The following ADGRL2 variants were observed in gnomAD, a reference collection of about 807,000 sequenced individuals.
ADGRL2 encodes the protein adhesion G protein-coupled receptor L2, also known as calcium-independent alpha-latrotoxin receptor 2.
Under a neutral mutation model 157.4 loss-of-function variants are expected in ADGRL2, and 44 were observed. The ratio of observed to expected loss-of-function variants is 0.28; its 90% CI spans 0.22 to 0.36. ADGRL2 has a LOEUF of 0.36. Among genes scored for constraint, ADGRL2 ranks in the 10% least tolerant of loss-of-function variants. The pLI is 1.00. For synonymous variants in ADGRL2, 585 were observed against 624.7 expected (o/e 0.94, Z 0.95); for missense variants, 1,510 against 1,768.9 (o/e 0.85, Z 2.63).
At chr1:81,806,623 A>T (rs909906804) in intron 1 of ADGRL2, among the ~76,000 whole-genome samples, 2 of 152,052 alleles carry the variant, frequency 1.3e-5, no homozygotes, top group African/African-American at 4.8e-5. Context: ...ATTTTCTATC[A>T]AAATATTTAT....
At chr1:81,628,074 A>T (rs941303813) in intron 3 of ADGRL2, among the ~76,000 whole-genome samples, 1 of 152,214 alleles carries the variant, frequency 6.6e-6, no homozygotes, top group Non-Finnish European at 1.5e-5. Context: ...CATCACATTG[A>T]AAAAATATAT....
intron 16 of ADGRL2, among the ~76,000 whole-genome samples, chr1:81,970,751 T>C (rs780205397): frequency 4.6e-5 from 7 of 152,148 alleles, no homozygotes; most frequent in Non-Finnish European, 8.8e-5. Flanking sequence ...TTATGGACTT[T>C]CTTTTTAACA....
intron 2 of ADGRL2, among the ~76,000 whole-genome samples, chr1:81,528,698 C>A (rs906692237): frequency 6.8e-6 from 1 of 146,940 alleles, no homozygotes; most frequent in Non-Finnish European, 1.5e-5. Flanking sequence ...GGCCCTTATT[C>A]ATATTGGTAG....
chr1:81,330,847 C>A (rs952481271), intron 1 of ADGRL2, among the ~76,000 whole-genome samples: 1 of 152,140 alleles, frequency 6.6e-6, no homozygotes, highest in African/African-American at 2.4e-5. Context: ...CTGATAGGTG[C>A]ATTTGAGAAA....
intron 2 of ADGRL2, among the ~76,000 whole-genome samples, chr1:81,500,784 T>C (rs1015800686): frequency 6.6e-6 from 1 of 152,306 alleles, no homozygotes; most frequent in Non-Finnish European, 1.5e-5. Context: ...AATGTACTTA[T>C]TGTCACTGAA....
chr1:81,879,777 C>T (rs562906061), intron 2 of ADGRL2, among the ~76,000 whole-genome samples: 5 of 152,098 alleles, frequency 3.3e-5, no homozygotes, highest in South Asian at 2.1e-4. Flanking sequence ...TTTGGGAGGC[C>T]GAGGCGGGCT....
intron 1 of ADGRL2, among the ~76,000 whole-genome samples, chr1:81,393,324 T>G (rs1319677711): frequency 6.7e-6 from 1 of 148,950 alleles, no homozygotes; most frequent in Non-Finnish European, 1.5e-5. Flanking sequence ...ATGTAGAAGA[T>G]TCAGATAACA....
chr1:81,485,303 A>G (rs551870620), intron 2 of ADGRL2, among the ~76,000 whole-genome samples: 1 of 152,208 alleles, frequency 6.6e-6, no homozygotes, highest in Non-Finnish European at 1.5e-5. Context: ...AGGGGTCTAT[A>G]AGAGAAGATC....
intron 1 of ADGRL2, among the ~76,000 whole-genome samples, chr1:81,738,008 A>G (rs942992433): frequency 6.6e-6 from 1 of 152,204 alleles, no homozygotes; most frequent in African/African-American, 2.4e-5. Context: ...TTAGAATTCA[A>G]AATTTGATAG....
At chr1:81,390,237 A>T (rs999099839) in intron 1 of ADGRL2, among the ~76,000 whole-genome samples, 4 of 152,300 alleles carry the variant, frequency 2.6e-5, no homozygotes, top group Non-Finnish European at 5.9e-5. Context: ...AGAATGGTGC[A>T]TGTAGCAAAC....
chr1:81,771,365 G>A (rs1175241952), intron 2 of ADGRL2, among the ~76,000 whole-genome samples: 1 of 152,104 alleles, frequency 6.6e-6, no homozygotes, highest in Non-Finnish European at 1.5e-5. Context: ...ACTGAATGGG[G>A]TGAATCTGAA....
At chr1:81,707,303 G>T (rs1197174673) in intron 1 of ADGRL2, among the ~76,000 whole-genome samples, 1 of 152,154 alleles carries the variant, frequency 6.6e-6, no homozygotes, top group Non-Finnish European at 1.5e-5. Flanking sequence ...AGGAATTAAA[G>T]GAATTTTCCC....
chr1:81,501,561 C>A (rs1301929750), intron 2 of ADGRL2, among the ~76,000 whole-genome samples: 1 of 152,192 alleles, frequency 6.6e-6, no homozygotes, highest in Admixed American at 6.5e-5. Flanking sequence ...ACATTAACAT[C>A]ATTTATAAAA....
At chr1:81,517,890 C>A (rs1445870217) in intron 2 of ADGRL2, among the ~76,000 whole-genome samples, 1 of 152,174 alleles carries the variant, frequency 6.6e-6, no homozygotes, top group Non-Finnish European at 1.5e-5. Context: ...TAATTCTCAC[C>A]CACCAGTTTC....
At chr1:81,675,502 C>T (rs2082966255) in intron 3 of ADGRL2, among the ~76,000 whole-genome samples, 2 of 151,340 alleles carry the variant, frequency 1.3e-5, no homozygotes, top group Admixed American at 1.3e-4. Flanking sequence ...GAAGTTTAAG[C>T]TTATTTTCTG....
At chr1:81,393,272 T>G (rs1307041155) in intron 1 of ADGRL2, among the ~76,000 whole-genome samples, 4 of 151,442 alleles carry the variant, frequency 2.6e-5, no homozygotes, top group African/African-American at 7.3e-5. Flanking sequence ...GTTGCCTCTA[T>G]CACTTTGGGG....
In ADGRL2 at chr1:81,326,953, T is replaced by C. The variant is rs150654129; in HGVS notation, c.-302+20444T>C. Among the ~76,000 whole-genome samples the C allele has an allele frequency of 7.4e-3, 1,132 of 152,302 alleles. 9 individuals carry two copies. Among genetic ancestry groups the C allele is most frequent in the Non-Finnish European group, 0.012 (795 of 68,010 alleles). The stretch of plus-strand genomic sequence containing the variant: ...CATTTGTGATTATTTTTCCAGTTCC[T>C]CTTTGCTTTAAAAACTACATCAAAC... On this transcript the variant is annotated intron_variant, in intron 1 of 24. Coordinates refer to the ADGRL2 transcript ENST00000370721.
intron 1 of ADGRL2, among the ~76,000 whole-genome samples, chr1:81,701,075 G>T (rs889526732): frequency 1.3e-5 from 2 of 152,174 alleles, no homozygotes; most frequent in African/African-American, 4.8e-5. Flanking sequence ...GGTGCCTGCA[G>T]GCTAATTTGT....
intron 1 of ADGRL2, among the ~76,000 whole-genome samples, chr1:81,410,690 G>A (rs566145858): frequency 6.6e-5 from 10 of 152,298 alleles, no homozygotes; most frequent in Middle Eastern, 3.4e-3. Context: ...GATTTGTATA[G>A]TATTAGCACA....
Sources: gnomAD v4.1 joint callset for allele counts (sites outside exome capture counted in the v4.1 genomes callset) on GRCh38, gnomAD v4.1.1 for gene constraint, MANE v1.5 for transcripts, NCBI Gene and HGNC (gene_info 2026-07-23, HGNC 2026-07-21) for gene names.